Variants in BRAF observed in about 807,000 individuals in gnomAD.
BRAF encodes the protein B-Raf proto-oncogene, serine/threonine kinase.
BRAF carries 16 observed loss-of-function variants against 104.6 expected under a neutral mutation model. The ratio of observed to expected loss-of-function variants is 0.15; its 90% CI spans 0.10 to 0.23. The LOEUF (loss-of-function observed/expected upper bound fraction) is 0.23. Ranked by LOEUF, BRAF falls within the 10% of genes least tolerant of loss-of-function variation. The probability of loss-of-function intolerance (pLI) is 1.00; values close to 1 mark genes in which losing one functional copy is unlikely to be tolerated. For synonymous variants in BRAF, 310 were observed against 341.6 expected (o/e 0.91, Z 1.02); for missense variants, 541 against 937.3 (o/e 0.58, Z 5.52).
At chr7:140,734,887 G>A in intron 18 of BRAF, 117 bp from the exon 18 acceptor site, 1 of 1,145,868 alleles carries the variant, frequency 8.7e-7, no homozygotes, top group Non-Finnish European at 1.2e-6. Flanking sequence ...ATCTTTAAGA[G>A]TCCCATCACA....
intron 3 of BRAF, among the ~76,000 whole-genome samples, chr7:140,832,724 G>A (rs1203211977): frequency 1.3e-5 from 2 of 152,172 alleles, no homozygotes; most frequent in Non-Finnish European, 2.9e-5. Flanking sequence ...GGTAAGCCTA[G>A]TCAATTGCCT....
chr7:140,815,335 C>CG lies in BRAF; in HGVS notation c.505-6341dup, dbSNP rs558041484. 7.6e-3 allele frequency among the ~76,000 whole-genome samples: 1,157 copies of CG among 151,296 alleles called. 18 individuals are homozygous for CG. The highest frequency in any genetic ancestry group is 0.027 in the African/African-American group (1,094 of 41,152). On this transcript the variant is annotated intron_variant, in intron 3 of 19. Coordinates refer to ENST00000644969, the MANE Select transcript of BRAF (RefSeq NM_001374258.1). Reference sequence around the variant, plus strand: ...TTTTTTTTTGTATTTTTAGTAGAGACGGGGTTTCTCCTTGTTAGCCAAGAT... The same window carrying CG: ...TTTTTTTTTGTATTTTTAGTAGAGACGGGGGTTTCTCCTTGTTAGCCAAGAT...
At chr7:140,868,065 A>T (rs1015606753) in intron 1 of BRAF, among the ~76,000 whole-genome samples, 4 of 152,166 alleles carry the variant, frequency 2.6e-5, no homozygotes, top group African/African-American at 9.7e-5. Flanking sequence ...TCCACTCAAG[A>T]CCATCCTAGA....
At chr7:140,734,550 T>C in intron 19 of BRAF, 1 of 1,613,298 alleles carries the variant, frequency 6.2e-7, no homozygotes, top group South Asian at 1.1e-5. Context: ...TATGTTCATT[T>C]ATTTTCCTTT....
chr7:140,887,998 A>T (rs1586552915), intron 1 of BRAF, among the ~76,000 whole-genome samples: 1 of 151,732 alleles, frequency 6.6e-6, no homozygotes, highest in South Asian at 2.1e-4. Flanking sequence ...TCAGCCTCCC[A>T]AGTAGCTGGG....
intron 13 of BRAF, among the ~76,000 whole-genome samples, chr7:140,777,578 G>A (rs917743829): frequency 6.6e-6 from 1 of 151,870 alleles, no homozygotes; most frequent in East Asian, 1.9e-4. Context: ...ATTTTCCCCC[G>A]TTACACCTCT....
At chr7:140,714,015 C>A in the BRAF span, among the ~76,000 whole-genome samples, 1 of 152,170 alleles carries the variant, frequency 6.6e-6, no homozygotes, top group Non-Finnish European at 1.5e-5. Context: ...TCAGTCCGCC[C>A]GTACTGGGGG....
chr7:140,759,420 C>T (rs1586040624), intron 14 of BRAF, among the ~76,000 whole-genome samples: 1 of 152,210 alleles, frequency 6.6e-6, no homozygotes, highest in East Asian at 1.9e-4. Flanking sequence ...GAGTTTTGCC[C>T]TTGTCACCCA....
intron 1 of BRAF, among the ~76,000 whole-genome samples, chr7:140,888,080 A>C (rs1813777424): frequency 1.3e-5 from 2 of 152,128 alleles, no homozygotes; most frequent in Non-Finnish European, 2.9e-5. Context: ...CACTGTGTTT[A>C]GTCAGGATGG....
At chr7:140,799,132 G>A (rs1040005996) in intron 7 of BRAF, 5 of 196,482 alleles carry the variant, frequency 2.5e-5, no homozygotes, top group Admixed American at 1.2e-4. Flanking sequence ...GATTACATGC[G>A]TGAACCACCG....
intron 1 of BRAF, among the ~76,000 whole-genome samples, chr7:140,865,715 G>A (rs971632202): frequency 4.6e-5 from 7 of 152,170 alleles, no homozygotes; most frequent in Admixed American, 1.3e-4. Flanking sequence ...GTCTTTTAAG[G>A]AAAAGGCTGA....
intron 11 of BRAF, 26 bp from the exon 11 acceptor site, chr7:140,781,719 A>G (rs770369540): frequency 1.3e-6 from 2 of 1,583,462 alleles, no homozygotes; most frequent in African/African-American, 1.3e-5. Context: ...AAAAAAGTCA[A>G]GTCAAGCCAA....
At chr7:140,867,775 T>A (rs550087385) in intron 1 of BRAF, among the ~76,000 whole-genome samples, 2 of 152,050 alleles carry the variant, frequency 1.3e-5, no homozygotes, top group African/African-American at 4.8e-5. Context: ...AGAAGCAAAA[T>A]TGGTATGTGC....
At chr7:140,837,208 T>C (rs1807439752) in intron 2 of BRAF, among the ~76,000 whole-genome samples, 1 of 152,224 alleles carries the variant, frequency 6.6e-6, no homozygotes. Context: ...TAGATTTCTC[T>C]AAACCTCTCA....
At position 140,749,407 on chromosome 7, in the gene BRAF, G is replaced by C; in HGVS notation, c.1992C>G (p.Val664=). The C allele has an allele frequency of 6.2e-7, 1 of 1,612,876 alleles. No homozygotes were observed. Among genetic ancestry groups the C allele is most frequent in the Non-Finnish European group, 8.5e-7 (1 of 1,179,370 alleles). ...ATGGATTTTTATCTTGCATTCTGAT[G>C]ACTTCTGGTGCCTGTTAGAACATAC... ...SGSILWMAPE[V]IRMQDKNPYS... The change falls in exon 17 of 20, where the codon GTC becomes GTG. Residue 664 remains valine (V), a synonymous_variant. Transcript: ENST00000644969.
intron 1 of BRAF, among the ~76,000 whole-genome samples, chr7:140,879,574 C>T (rs1483706475): frequency 7.2e-6 from 1 of 138,630 alleles, no homozygotes; most frequent in Non-Finnish European, 1.6e-5. Context: ...AAAAAAAGCA[C>T]ATATCTTAAT....
At chr7:140,744,606 T>G (rs1462515412) in intron 17 of BRAF, among the ~76,000 whole-genome samples, 2 of 152,196 alleles carry the variant, frequency 1.3e-5, no homozygotes, top group Non-Finnish European at 2.9e-5. Flanking sequence ...TTTGTCATCT[T>G]CTTATAATTT....
At chr7:140,843,131 T>G (rs1465008957) in intron 2 of BRAF, among the ~76,000 whole-genome samples, 1 of 152,198 alleles carries the variant, frequency 6.6e-6, no homozygotes, top group Admixed American at 6.5e-5. Flanking sequence ...AGACTCTTAC[T>G]TCAGGAAATG....
intron 14 of BRAF, among the ~76,000 whole-genome samples, chr7:140,757,277 C>CT (rs1554394432): frequency 6.6e-5 from 10 of 151,944 alleles, no homozygotes; most frequent in Admixed American, 5.9e-4. Context: ...GTATATTTCT[C>CT]TTTTTTTGGA....
Sources: allele counts gnomAD v4.1 joint callset (sites outside exome capture counted in the v4.1 genomes callset), GRCh38; gene constraint gnomAD v4.1.1; transcripts MANE v1.5; gene names NCBI Gene and HGNC (gene_info 2026-07-23, HGNC 2026-07-21).